The following LIMK1 variants were observed in gnomAD, a reference collection of about 807,000 sequenced individuals.
The protein encoded by LIMK1 is LIM domain kinase 1, also known as LIM motif-containing protein kinase.
Under a neutral mutation model 77.6 loss-of-function variants are expected in LIMK1, and 21 were observed. The observed-to-expected ratio is 0.27, with a 90% CI of 0.19 to 0.39. The LOEUF is 0.39. Ranked by LOEUF, LIMK1 falls within the 10% of genes least tolerant of loss-of-function variation. The pLI is 1.00. For synonymous variants in LIMK1, 358 were observed against 370.0 expected (o/e 0.97, Z 0.37); for missense variants, 696 against 901.6 (o/e 0.77, Z 2.92).
intron 12 of LIMK1, among the ~76,000 whole-genome samples, chr7:74,114,914 C>CAAA (rs569366868): frequency 1.4e-5 from 1 of 69,892 alleles, no homozygotes; most frequent in Non-Finnish European, 3.0e-5. Context: ...GACTCCAACT[C>CAAA]AAAAAAAAAA....
chr7:74,089,506 AAAAG>A lies in LIMK1; in HGVS notation c.152+3671_152+3674del, dbSNP rs200364232. 4.9e-3 allele frequency among the ~76,000 whole-genome samples: 749 copies of A among 152,244 alleles called. 3 individuals are homozygous for A. The highest frequency in any genetic ancestry group is 8.0e-3 in the Non-Finnish European group (545 of 68,018). On this transcript the variant is annotated intron_variant, in intron 2 of 15. Coordinates refer to ENST00000336180, the MANE Select transcript of LIMK1 (RefSeq NM_002314.4). ...GACAGAGTGAAATCCCATCTCAAAA[AAAAG>A]AAAGAAAGGAAGAAAGAAAAAGACA... is the stretch of plus-strand genomic sequence containing the variant.
Position 74,102,823 on chromosome 7 carries a change from G to A in LIMK1, c.609-3052G>A, listed in dbSNP as rs115107607. Among the ~76,000 whole-genome samples, 940 of 150,576 alleles carry A rather than the reference G, an allele frequency of 6.2e-3. 13 individuals carry two copies. The highest frequency in any genetic ancestry group is 0.021 in the African/African-American group (845 of 41,040). On this transcript the variant is annotated intron_variant, in intron 5 of 15. Coordinates refer to ENST00000336180, the MANE Select transcript of LIMK1 (RefSeq NM_002314.4). Reference sequence around the variant, plus strand: ...CAATCTCCCCCTCATCCACAGTCCAGTCCATGATCAACATTGCATTTAATC... The same window carrying A: ...CAATCTCCCCCTCATCCACAGTCCAATCCATGATCAACATTGCATTTAATC...
intron 5 of LIMK1, among the ~76,000 whole-genome samples, chr7:74,103,560 A>G (rs1281517488): frequency 1.3e-5 from 2 of 151,968 alleles, no homozygotes; most frequent in Non-Finnish European, 2.9e-5. Flanking sequence ...TTTTTTCTGT[A>G]CTGTAAGGAT....
intron 12 of LIMK1, among the ~76,000 whole-genome samples, chr7:74,112,305 T>C (rs368922315): frequency 2.0e-5 from 3 of 152,168 alleles, no homozygotes; most frequent in East Asian, 3.9e-4. Flanking sequence ...AGGACCGTGG[T>C]CTTCATAGAG....
rs138470279 is a variant in LIMK1, at chr7:74,099,189, G to A, written c.559G>A (p.Gly187Ser). Residue 187 changes from glycine (G) to serine (S), a missense_variant, in exon 5 of 16, where the codon GGC (glycine) becomes AGC (serine). By Grantham distance (56) the Gly-to-Ser change is moderately conservative. This residue lies in a region of LIMK1 where 252 missense variants were observed against 279.4 expected (regional missense o/e 0.90). Transcript: ENST00000336180. ...GLSVSIDPPH[G>S]PPGCGTEHSH... ...TTCAGTCTCCATTGACCCCCCGCAC[G>A]GCCCACCGGGCTGTGGCACCGAGCA... 36 of 1,610,932 alleles carry A rather than the reference G, an allele frequency of 2.2e-5. No homozygotes were observed. Among genetic ancestry groups the A allele is most frequent in the African/African-American group, 2.7e-5 (2 of 74,914 alleles).
chr7:74,120,515 TC>T, intron 13 of LIMK1, 67 bp from the exon 14 acceptor site: 1 of 1,563,816 alleles, frequency 6.4e-7, no homozygotes, highest in Non-Finnish European at 8.8e-7. Flanking sequence ...GCTGGCCTGG[TC>T]CCCTGCCTTT....
chr7:74,086,147 G>A (rs1052006961), intron 2 of LIMK1, among the ~76,000 whole-genome samples: 7 of 152,020 alleles, frequency 4.6e-5, no homozygotes, highest in South Asian at 2.1e-4. Context: ...CTGGGCTCAC[G>A]CAGTTCTCCT....
At chr7:74,104,617 C>T (rs1799529056) in intron 5 of LIMK1, among the ~76,000 whole-genome samples, 1 of 151,508 alleles carries the variant, frequency 6.6e-6, no homozygotes, top group African/African-American at 2.4e-5. Flanking sequence ...AAGAGCAAAA[C>T]TCTGTCTCAA....
At chr7:74,090,454 A>G (rs1375802009) in intron 2 of LIMK1, among the ~76,000 whole-genome samples, 2 of 151,902 alleles carry the variant, frequency 1.3e-5, no homozygotes, top group Non-Finnish European at 2.9e-5. Flanking sequence ...TGTGGGTGTG[A>G]TACTCCCAAC....
At chr7:74,091,159 C>T (rs1200219239) in intron 2 of LIMK1, among the ~76,000 whole-genome samples, 7 of 152,054 alleles carry the variant, frequency 4.6e-5, no homozygotes, top group Non-Finnish European at 2.9e-5. Flanking sequence ...CTCCTGACCT[C>T]GTGATCCGCC....
At chr7:74,107,766 G>T in intron 8 of LIMK1, 105 bp from the exon 9 acceptor site, 1 of 790,580 alleles carries the variant, frequency 1.3e-6, no homozygotes, top group Non-Finnish European at 2.2e-6. Flanking sequence ...AGAGTATGAA[G>T]CCATCTGCAC....
chr7:74,106,940 G>A (rs1403347692), intron 7 of LIMK1, 70 bp from the exon 8 acceptor site: 20 of 1,408,856 alleles, frequency 1.4e-5, no homozygotes, highest in Admixed American at 4.7e-5. Flanking sequence ...GGCAGGAGGA[G>A]GAAGGGGCAG....
At chr7:74,088,331 G>A (rs1190416040) in intron 2 of LIMK1, among the ~76,000 whole-genome samples, 6 of 152,126 alleles carry the variant, frequency 3.9e-5, no homozygotes, top group East Asian at 1.9e-4. Context: ...AGAGGCCTTC[G>A]GGGGGCAAGA....
intron 5 of LIMK1, among the ~76,000 whole-genome samples, chr7:74,101,889 A>G (rs997811335): frequency 5.9e-5 from 9 of 152,082 alleles, no homozygotes; most frequent in Admixed American, 5.2e-4. Context: ...CAGTGGCACA[A>G]TCATAGCTCA....
intron 12 of LIMK1, among the ~76,000 whole-genome samples, chr7:74,113,654 G>T (rs1225263485): frequency 6.6e-6 from 1 of 151,424 alleles, no homozygotes; most frequent in African/African-American, 2.4e-5. Context: ...ATGGCAAGAG[G>T]GGCTGACAAG....
intron 12 of LIMK1, among the ~76,000 whole-genome samples, chr7:74,115,212 C>T (rs969882191): frequency 6.6e-6 from 1 of 152,092 alleles, no homozygotes; most frequent in African/African-American, 2.4e-5. Flanking sequence ...CACCTGAGAT[C>T]AGGAGTTCGA....
At position 74,099,184 on chromosome 7, in the gene LIMK1, C is replaced by T. The variant is rs782786185; in HGVS notation, c.554C>T (p.Pro185Leu). 26 of 1,611,838 alleles carry T rather than the reference C, an allele frequency of 1.6e-5. No homozygotes were observed. The highest frequency in any genetic ancestry group is 1.1e-4 in the African/African-American group (8 of 74,936). The part of the protein sequence containing the change: ...KRGLSVSIDP[P>L]HGPPGCGTEH... ...GGACTTTCAGTCTCCATTGACCCCC[C>T]GCACGGCCCACCGGGCTGTGGCACC... The change falls in exon 5 of 16, where the codon CCG (proline) becomes CTG (leucine). Residue 185 changes from proline to leucine, a missense_variant. Physicochemically the swap from Pro to Leu is moderately conservative, Grantham distance 98. Coordinates refer to ENST00000336180, the MANE Select transcript of LIMK1 (RefSeq NM_002314.4).
chr7:74,084,296 C>G (rs2115600350), intron 1 of LIMK1, among the ~76,000 whole-genome samples: 1 of 151,936 alleles, frequency 6.6e-6, no homozygotes, highest in Admixed American at 6.5e-5. Flanking sequence ...CGTCCCCCCG[C>G]GAAGGACTCC....
At position 74,121,480 on chromosome 7, in the gene LIMK1, C is replaced by T; in HGVS notation, c.*179C>T. Reference sequence around the variant, plus strand: ...TTCCCCTGCCTTCTCTCTGCCGTGGCCCAGAGCCGGCCCAGCTGCACACAC... The same window carrying T: ...TTCCCCTGCCTTCTCTCTGCCGTGGTCCAGAGCCGGCCCAGCTGCACACAC... On this transcript the variant is annotated 3_prime_UTR_variant, in exon 16 of 16. Coordinates refer to ENST00000336180, the MANE Select transcript of LIMK1 (RefSeq NM_002314.4). The T allele has an allele frequency of 1.7e-6, 1 of 590,262 alleles. No individual in the cohort carries two copies. Among genetic ancestry groups the T allele is most frequent in the Non-Finnish European group, 2.8e-6 (1 of 351,072 alleles). 36.6% of individuals were successfully genotyped at this position (590,262 alleles called of 1,614,324 possible).
Sources: gnomAD v4.1 joint callset for allele counts (sites outside exome capture counted in the v4.1 genomes callset) on GRCh38, gnomAD v4.1.1 for gene constraint, gnomAD v4.1.1 regional missense constraint, MANE v1.5 for transcripts, NCBI Gene and HGNC (gene_info 2026-07-23, HGNC 2026-07-21) for gene names.